The following PLCXD3 variants were observed in gnomAD, a reference collection of about 807,000 sequenced individuals.
PLCXD3 encodes PI-PLC X domain-containing protein 3.
In PLCXD3, 19 loss-of-function variants were observed where a neutral mutation model predicts 25.5. The ratio of observed to expected loss-of-function variants is 0.75; its 90% CI spans 0.52 to 1.09. The LOEUF is 1.09. Ranked by LOEUF, PLCXD3 falls within the 50% of genes least tolerant of loss-of-function variation. The pLI is 0.00. For missense variants in PLCXD3, 411 were observed against 388.1 expected, an observed-to-expected ratio of 1.06 and a Z score of -0.50; for synonymous variants, 174 against 137.6, an observed-to-expected ratio of 1.26 and a Z score of -1.85.
At chr5:41,370,732 C>G (rs1336961614) in intron 2 of PLCXD3, among the ~76,000 whole-genome samples, 1 of 152,094 alleles carries the variant, frequency 6.6e-6, no homozygotes, top group Non-Finnish European at 1.5e-5. Flanking sequence ...GGCACCCATG[C>G]AAACAAGCCC....
intron 1 of PLCXD3, among the ~76,000 whole-genome samples, chr5:41,469,138 GGATA>G (rs1296256691): frequency 1.3e-5 from 2 of 152,058 alleles, no homozygotes; most frequent in African/African-American, 4.8e-5. Flanking sequence ...GATGATCATA[GGATA>G]GTTATCTCTA....
chr5:41,435,419 G>T (rs889202443), intron 1 of PLCXD3, among the ~76,000 whole-genome samples: 3 of 152,186 alleles, frequency 2.0e-5, no homozygotes, highest in African/African-American at 7.2e-5. Context: ...ATTAGTGTCT[G>T]GCTGCATTGT....
At chr5:41,413,902 A>G (rs928373958) in intron 1 of PLCXD3, among the ~76,000 whole-genome samples, 3 of 152,216 alleles carry the variant, frequency 2.0e-5, no homozygotes, top group African/African-American at 7.2e-5. Flanking sequence ...TGGTAAGAAC[A>G]TAAGGGCAAT....
At chr5:41,328,227 A>G (rs889703626) in intron 2 of PLCXD3, among the ~76,000 whole-genome samples, 1 of 152,164 alleles carries the variant, frequency 6.6e-6, no homozygotes, top group Non-Finnish European at 1.5e-5. Flanking sequence ...ATGTAGAATG[A>G]TGAGAAGAGT....
chr5:41,454,253 G>T (rs998116917), intron 1 of PLCXD3, among the ~76,000 whole-genome samples: 3 of 151,982 alleles, frequency 2.0e-5, no homozygotes, highest in African/African-American at 7.2e-5. Flanking sequence ...CTGGTGTCCT[G>T]TCTTAGTTCA....
chr5:41,344,111 C>T (rs7727658), intron 2 of PLCXD3, among the ~76,000 whole-genome samples: 11,202 of 152,086 alleles, frequency 0.074, 738 homozygotes, highest in East Asian at 0.36. Flanking sequence ...TTTAAAGGAA[C>T]GATTTCAGAT....
At chr5:41,484,593 C>T (rs1298124650) in intron 1 of PLCXD3, among the ~76,000 whole-genome samples, 1 of 152,058 alleles carries the variant, frequency 6.6e-6, no homozygotes, top group African/African-American at 2.4e-5. Context: ...TTGGGAGAAA[C>T]ATATTGCTCA....
chr5:41,466,002 C>T (rs1275098953), intron 1 of PLCXD3, among the ~76,000 whole-genome samples: 1 of 152,030 alleles, frequency 6.6e-6, no homozygotes, highest in Non-Finnish European at 1.5e-5. Context: ...TTATCCTTTG[C>T]AAACACAAAG....
At chr5:41,359,819 T>C (rs1337311226) in intron 2 of PLCXD3, among the ~76,000 whole-genome samples, 2 of 152,308 alleles carry the variant, frequency 1.3e-5, no homozygotes, top group Non-Finnish European at 2.9e-5. Flanking sequence ...GCCTAGGTGA[T>C]AATCTCTTTG....
intron 2 of PLCXD3, among the ~76,000 whole-genome samples, chr5:41,369,740 A>G (rs1745038810): frequency 6.6e-6 from 1 of 152,120 alleles, no homozygotes; most frequent in Non-Finnish European, 1.5e-5. Flanking sequence ...CGGCCTCCCA[A>G]AGTGCTGGGA....
At chr5:41,437,051 A>C (rs1399547231) in intron 1 of PLCXD3, among the ~76,000 whole-genome samples, 1 of 152,242 alleles carries the variant, frequency 6.6e-6, no homozygotes, top group African/African-American at 2.4e-5. Context: ...CTTGTGATTG[A>C]AATGTTAGCT....
chr5:41,330,235 T>C (rs11741795), intron 2 of PLCXD3, among the ~76,000 whole-genome samples: 12,861 of 152,002 alleles, frequency 0.085, 830 homozygotes, highest in East Asian at 0.35. Flanking sequence ...AAGAATCAAA[T>C]AGACGCAATA....
At chr5:41,374,891 G>A (rs1414608052) in intron 2 of PLCXD3, among the ~76,000 whole-genome samples, 1 of 152,108 alleles carries the variant, frequency 6.6e-6, no homozygotes, top group African/African-American at 2.4e-5. Flanking sequence ...GTACTGTCTT[G>A]TGTCTGACTT....
chr5:41,406,812 C>T (rs962218952), intron 1 of PLCXD3, among the ~76,000 whole-genome samples: 2 of 152,158 alleles, frequency 1.3e-5, no homozygotes, highest in African/African-American at 4.8e-5. Flanking sequence ...TGGATTTAAT[C>T]TTAGGTAAAA....
rs114010838 is a variant in PLCXD3, at chr5:41,441,014, G to A, written c.104-58480C>T. The stretch of plus-strand genomic sequence containing the variant: ...AGACAGAGTGGACTTCAGGCCCACA[G>A]AATCAGTTTTCTGGTTCTTGCAGTC... On this transcript the variant is annotated intron_variant, in intron 1 of 2. Coordinates refer to ENST00000377801, the MANE Select transcript of PLCXD3 (RefSeq NM_001005473.3). 6.3e-3 allele frequency among the ~76,000 whole-genome samples: 967 copies of A among 152,332 alleles called. 2 individuals are homozygous for A. The highest frequency in any genetic ancestry group is 9.5e-3 in the South Asian group (46 of 4,820).
chr5:41,381,734 C>T (rs1247450564), intron 2 of PLCXD3, 92 bp downstream of exon 2: 1 of 1,199,594 alleles, frequency 8.3e-7, no homozygotes, highest in East Asian at 2.4e-5. Context: ...ACCTAATATA[C>T]ATAGGTATAA....
chr5:41,461,798 T>C (rs1452285185), intron 1 of PLCXD3, among the ~76,000 whole-genome samples: 1 of 151,950 alleles, frequency 6.6e-6, no homozygotes, highest in African/African-American at 2.4e-5. Flanking sequence ...AATCAGACTC[T>C]GCGTTGACAC....
intron 1 of PLCXD3, among the ~76,000 whole-genome samples, chr5:41,436,063 G>A (rs1747247091): frequency 6.6e-6 from 1 of 152,150 alleles, no homozygotes; most frequent in African/African-American, 2.4e-5. Context: ...AGAGAAGTTG[G>A]AATTGGGCTG....
chr5:41,412,181 C>T (rs1746567281), intron 1 of PLCXD3, among the ~76,000 whole-genome samples: 1 of 152,024 alleles, frequency 6.6e-6, no homozygotes, highest in Non-Finnish European at 1.5e-5. Context: ...ACTCTATATT[C>T]TTACTCATGT....
Sources: allele counts gnomAD v4.1 joint callset (sites outside exome capture counted in the v4.1 genomes callset), GRCh38; gene constraint gnomAD v4.1.1; transcripts MANE v1.5; gene names NCBI Gene and HGNC (gene_info 2026-07-23, HGNC 2026-07-21).